The following PACS2 variants were observed in gnomAD, a reference collection of about 807,000 sequenced individuals.
The protein encoded by PACS2 is phosphofurin acidic cluster sorting protein 2, also known as PACS1-like protein.
PACS2 carries 36 observed loss-of-function variants against 113.0 expected under a neutral mutation model. The ratio of observed to expected loss-of-function variants is 0.32; its 90% CI spans 0.24 to 0.42. The LOEUF (loss-of-function observed/expected upper bound fraction) is 0.42, where lower values mean the gene tolerates loss of function less well. Among genes scored for constraint, PACS2 ranks in the 10% least tolerant of loss-of-function variants. The pLI is 1.00. For synonymous variants in PACS2, 589 were observed against 536.1 expected (o/e 1.10, Z -1.36); for missense variants, 1,015 against 1,239.5 (o/e 0.82, Z 2.72).
intron 1 of PACS2, among the ~76,000 whole-genome samples, chr14:105,318,690 G>A (rs1372468648): frequency 1.2e-4 from 17 of 147,364 alleles, no homozygotes; most frequent in Non-Finnish European, 1.9e-4. Context: ...ATGGAGTCTC[G>A]CTCTGTCACC....
intron 16 of PACS2, chr14:105,384,098 G>T: frequency 2.0e-6 from 1 of 498,916 alleles, no homozygotes; most frequent in Non-Finnish European, 3.6e-6. Context: ...ACGGTCACAT[G>T]TGCCCTGCTG....
chr14:105,379,921 G>T, intron 10 of PACS2, 92 bp downstream of exon 10: 3 of 1,386,416 alleles, frequency 2.2e-6, no homozygotes, highest in Non-Finnish European at 2.0e-6. Flanking sequence ...TGGGCCCAGG[G>T]CCCTGTCCAG....
upstream of PACS2, among the ~76,000 whole-genome samples, chr14:105,309,974 C>A (rs587757064): frequency 6.6e-6 from 1 of 151,264 alleles, no homozygotes; most frequent in Admixed American, 6.6e-5. The surrounding 1 kb of genome is among the most constrained non-coding windows in gnomAD (Gnocchi z 4.0). Context: ...TTAGTAGAGA[C>A]GGGGTTTCAG....
intron 3 of PACS2, among the ~76,000 whole-genome samples, chr14:105,353,697 G>A (rs1012002228): frequency 4.6e-5 from 7 of 151,832 alleles, no homozygotes; most frequent in African/African-American, 4.8e-5. Flanking sequence ...GAGTTCAAGC[G>A]ATTCTCCTGC....
At chr14:105,386,037 G>A (rs1212190302) in intron 19 of PACS2, among the ~76,000 whole-genome samples, 1 of 152,212 alleles carries the variant, frequency 6.6e-6, no homozygotes, top group Non-Finnish European at 1.5e-5. Flanking sequence ...CCTGCAGGTC[G>A]GCCAGGCAGG....
chr14:105,369,676 G>T (rs1462802358), intron 7 of PACS2, among the ~76,000 whole-genome samples, 165 bp from the exon 8 acceptor site: 1 of 152,242 alleles, frequency 6.6e-6, no homozygotes, highest in Non-Finnish European at 1.5e-5. Flanking sequence ...CAGGCCTGTT[G>T]GGAAGCCTCT....
chr14:105,355,695 G>A lies in PACS2; in HGVS notation c.423+518G>A, dbSNP rs2060415276. Among the ~76,000 whole-genome samples the A allele has an allele frequency of 6.6e-6, 1 of 152,202 alleles. No individual in the cohort carries two copies. The highest frequency in any genetic ancestry group is 2.4e-5 in the African/African-American group (1 of 41,454). On this transcript the variant is annotated intron_variant, in intron 4 of 24. Coordinates refer to ENST00000447393, the MANE Select transcript of PACS2 (RefSeq NM_001100913.3). This position sits in a 1 kb window ranked among gnomAD's most constrained non-coding sequence, Gnocchi z 4.1. ...AGAGGGGTGGCTGGAGTTCCCTGGA[G>A]GGGAAAGAAGGGGAAGTACCTCAAA...
Position 105,391,771 on chromosome 14 carries a change from A to C in PACS2, c.2255+5A>C. 2 of 1,590,136 alleles carry C rather than the reference A, an allele frequency of 1.3e-6. No homozygotes were observed. The highest frequency in any genetic ancestry group is 1.7e-6 in the Non-Finnish European group (2 of 1,169,596). ...CGGAGGCCTGTCCTCCCCCAGGTAA[A>C]GGTGCCTCACGGCTCAGCACGTTTC... On this transcript the variant is annotated splice_donor_5th_base_variant and intron_variant, in intron 22 of 24. Transcript: ENST00000447393.
intron 1 of PACS2, among the ~76,000 whole-genome samples, chr14:105,316,435 G>A (rs150366484): frequency 4.6e-5 from 7 of 152,326 alleles, no homozygotes; most frequent in Non-Finnish European, 7.4e-5. Context: ...TCTCCTGTCT[G>A]CCCCTCTGAG....
intron 1 of PACS2, among the ~76,000 whole-genome samples, chr14:105,332,475 C>T (rs587629973): frequency 1.3e-5 from 2 of 152,300 alleles, no homozygotes; most frequent in East Asian, 3.9e-4. Flanking sequence ...GGACTGAGGC[C>T]ACACAGGAAG....
chr14:105,333,304 T>C (rs1323635763), intron 1 of PACS2, among the ~76,000 whole-genome samples: 1 of 152,136 alleles, frequency 6.6e-6, no homozygotes, highest in East Asian at 1.9e-4. Context: ...GGTTCTGCCC[T>C]CCCCTGGCCT....
chr14:105,376,124 G>A lies in PACS2; in HGVS notation c.802-644G>A, dbSNP rs2061344588. On this transcript the variant is annotated intron_variant, in intron 8 of 24. Transcript: ENST00000447393. This position sits in a 1 kb window ranked among gnomAD's most constrained non-coding sequence, Gnocchi z 4.7. ...TGCTCATTATCATGAGAACAGCGTG[G>A]AGGAAACCACCCCCAGGATCCAGTT... 6.6e-6 allele frequency among the ~76,000 whole-genome samples: 1 copy of A among 152,074 alleles called. No homozygotes were observed. Among genetic ancestry groups the A allele is most frequent in the Admixed American group, 6.6e-5 (1 of 15,260 alleles).
At chr14:105,370,977 A>G (rs2061127586) in intron 8 of PACS2, 1 of 152,280 alleles carries the variant, frequency 6.6e-6, no homozygotes, top group Non-Finnish European at 1.5e-5. Flanking sequence ...GCCTGAGAGC[A>G]CACTGCCTGT....
chr14:105,336,346 G>C (rs2059519748), intron 1 of PACS2: 1 of 152,352 alleles, frequency 6.6e-6, no homozygotes, highest in African/African-American at 2.4e-5. Context: ...CTCGTGTTCT[G>C]TGCTGTCCTT....
At position 105,391,753 on chromosome 14, in the gene PACS2, C is replaced by T. The variant is rs1555414974; in HGVS notation, c.2242C>T (p.Leu748=). The T allele has an allele frequency of 6.3e-7, 1 of 1,594,062 alleles. No individual in the cohort carries two copies. The highest frequency in any genetic ancestry group is 1.3e-5 in the African/African-American group (1 of 74,622). The change falls in exon 22 of 25, where the codon CTG becomes TTG. Residue 748 remains leucine, a synonymous_variant. Coordinates refer to ENST00000447393, the MANE Select transcript of PACS2 (RefSeq NM_001100913.3). ...PPSSPSVSGG[L]SSPSQGVGAE... ...CTCCTCCCCGTCGGTGAGCGGAGGC[C>T]TGTCCTCCCCCAGGTAAAGGTGCCT...
rs2081398936 is a variant in PACS2, at chr14:105,392,647, C to T, written c.2284C>T (p.Leu762=). The T allele has an allele frequency of 3.1e-6, 5 of 1,611,242 alleles. No individual in the cohort carries two copies. Among genetic ancestry groups the T allele is most frequent in the Non-Finnish European group, 4.2e-6 (5 of 1,179,346 alleles). Residue 762 remains leucine, a synonymous_variant, in exon 23 of 25, where the codon CTG becomes TTG. Transcript: ENST00000447393. ...GGGTGTCGGCGCCGAGCTGATGGGGCTGCAGGTGGACTACTGGACGGCAGC... is the reference window on the plus strand; with the variant it reads ...GGGTGTCGGCGCCGAGCTGATGGGGTTGCAGGTGGACTACTGGACGGCAGC... The part of the protein sequence containing the change: ...SQGVGAELMG[L]QVDYWTAAQP...
In PACS2 at chr14:105,315,895, G is replaced by T. The variant is rs940832262; in HGVS notation, c.119+858G>T. ...TAGACAGCAGGCGAGAAGAGGAGGC[G>T]GTTGGGGGTAGTGAGAGTTCTCCCT... On this transcript the variant is annotated intron_variant, in intron 1 of 24. Transcript: ENST00000447393. The surrounding 1 kb of genome is among the most constrained non-coding windows in gnomAD (Gnocchi z 4.4). 6.6e-6 allele frequency among the ~76,000 whole-genome samples: 1 copy of T among 152,246 alleles called. No homozygotes were observed. Among genetic ancestry groups the T allele is most frequent in the Admixed American group, 6.5e-5 (1 of 15,280 alleles).
chr14:105,371,032 C>T (rs1266346935), intron 8 of PACS2: 3 of 152,312 alleles, frequency 2.0e-5, no homozygotes, highest in East Asian at 3.8e-4. Context: ...TCCAGCTCAG[C>T]CCCTGGGGCA....
intron 7 of PACS2, among the ~76,000 whole-genome samples, chr14:105,368,985 G>T (rs1308225389): frequency 1.3e-5 from 2 of 152,220 alleles, no homozygotes; most frequent in Admixed American, 1.3e-4. Context: ...AGCTCAGGCA[G>T]CTCTTTCCTC....
Sources: gnomAD v4.1 joint callset for allele counts (sites outside exome capture counted in the v4.1 genomes callset) on GRCh38, gnomAD v4.1.1 for gene constraint, Gnocchi (gnomAD v3.1) non-coding constraint, MANE v1.5 for transcripts, NCBI Gene and HGNC (gene_info 2026-07-23, HGNC 2026-07-21) for gene names.